Variants in ATAD2 observed in about 807,000 individuals in gnomAD.
The protein encoded by ATAD2 is ATPase family AAA domain-containing protein 2.
Under a neutral mutation model 168.9 loss-of-function variants are expected in ATAD2, and 62 were observed. The observed-to-expected ratio is 0.37, with a 90% CI of 0.30 to 0.45. The LOEUF is 0.45. Among genes scored for constraint, ATAD2 ranks in the 20% least tolerant of loss-of-function variants. ATAD2 has a pLI of 1.00. For missense variants in ATAD2, 1,419 were observed against 1,667.8 expected (o/e 0.85, Z 2.60); for synonymous variants, 613 against 571.6 (o/e 1.07, Z -1.03).
chr8:123,352,952 G>A (rs757469089), intron 13 of ATAD2, among the ~76,000 whole-genome samples: 7 of 152,078 alleles, frequency 4.6e-5, no homozygotes, highest in Non-Finnish European at 1.0e-4. Flanking sequence ...GTGTGTGCCT[G>A]TAGTTCTGAG....
At position 123,402,243 on chromosome 8, in the gene ATAD2, G is replaced by A. The variant is rs769433909; in HGVS notation, c.-2281-1068C>T. The A allele has an allele frequency of 3.4e-6, 2 of 590,134 alleles. No homozygotes were observed. The highest frequency in any genetic ancestry group is 3.1e-6 in the Non-Finnish European group (1 of 326,554). 36.6% of individuals were successfully genotyped at this position (590,134 alleles called of 1,614,324 possible). On this transcript the variant is annotated intron_variant, in intron 1 of 28. Coordinates refer to the ATAD2 transcript ENST00000521903. The surrounding 1 kb of genome is among the most constrained non-coding windows in gnomAD (Gnocchi z 4.8). ...GCTCCTTTCCAGGGAGAGAGGAGGC[G>A]AAGTTGTGAGGGGTCTGTGACCCCT...
chr8:123,321,593 C>T (rs1827469741), intron 27 of ATAD2, among the ~76,000 whole-genome samples: 2 of 151,776 alleles, frequency 1.3e-5, no homozygotes, highest in African/African-American at 2.4e-5. Flanking sequence ...TAAGTAATAT[C>T]TTTTTTTAAA....
Position 123,349,156 on chromosome 8 carries a change from G to C in ATAD2, c.1806+129C>G. ...AGAATAAAAATTTGTCCCCATTTGA[G>C]TTGTTTACTATCATTTGACAAGACC... is the stretch of plus-strand genomic sequence containing the variant. On this transcript the variant is annotated intron_variant, in intron 14 of 27. Coordinates refer to ENST00000287394, the MANE Select transcript of ATAD2 (RefSeq NM_014109.4). 4 of 878,496 alleles carry C rather than the reference G, an allele frequency of 4.6e-6. No individual in the cohort carries two copies. The South Asian group carries it at 8.5e-5, about 19-fold the overall frequency. 54.4% of individuals were successfully genotyped at this position (878,496 alleles called of 1,614,324 possible).
chr8:123,358,176 T>C (rs75760104), intron 11 of ATAD2, among the ~76,000 whole-genome samples: 3,544 of 152,264 alleles, frequency 0.023, 145 homozygotes, highest in African/African-American at 0.082. Flanking sequence ...TTATTTAATA[T>C]TAATAACTTT....
At chr8:123,321,987 C>CTTTTTTTTTTTTTTTTTTTTTT (rs869048943) in intron 27 of ATAD2, among the ~76,000 whole-genome samples, 5 of 136,484 alleles carry the variant, frequency 3.7e-5, no homozygotes, top group African/African-American at 1.4e-4. Context: ...GTACATAAGT[C>CTTTTTTTTTTTTTTTTTTTTTT]TTTTTTTTTT....
intron 2 of ATAD2, among the ~76,000 whole-genome samples, chr8:123,377,290 TAAA>T (rs1463514099): frequency 6.6e-6 from 1 of 151,592 alleles, no homozygotes; most frequent in African/African-American, 2.4e-5. Context: ...AAAGAATTAA[TAAA>T]AAGGATAGAA....
intron 13 of ATAD2, among the ~76,000 whole-genome samples, chr8:123,350,762 T>C (rs1190577147): frequency 6.6e-6 from 1 of 151,872 alleles, no homozygotes; most frequent in Non-Finnish European, 1.5e-5. Context: ...TCTCGCTCTG[T>C]CTCCCAGGCT....
intron 12 of ATAD2, among the ~76,000 whole-genome samples, chr8:123,356,898 G>GAA (rs1452908058): frequency 6.6e-6 from 1 of 151,942 alleles, no homozygotes; most frequent in Non-Finnish European, 1.5e-5. Context: ...TTTTCAACCA[G>GAA]AAGTATTCAA....
intron 2 of ATAD2, 90 bp from the exon 3 acceptor site, chr8:123,372,776 G>A: frequency 1.9e-6 from 2 of 1,051,760 alleles, no homozygotes; most frequent in Non-Finnish European, 2.7e-6. Flanking sequence ...TCGTCCAACA[G>A]GAGTGCAGTG....
intron 8 of ATAD2, among the ~76,000 whole-genome samples, chr8:123,364,262 A>G (rs968899859): frequency 2.0e-5 from 3 of 152,162 alleles, no homozygotes; most frequent in African/African-American, 7.2e-5. Context: ...AAAGGCCGCT[A>G]ATAACTAGTA....
At position 123,347,346 on chromosome 8, in the gene ATAD2, C is replaced by T. The variant is rs1828282512; in HGVS notation, c.1958G>A (p.Arg653Gln). 1.9e-6 allele frequency: 3 copies of T among 1,613,726 alleles called. No individual in the cohort carries two copies. Among genetic ancestry groups the T allele is most frequent in the Non-Finnish European group, 2.5e-6 (3 of 1,179,998 alleles). ...CAEAALCALR[R>Q]RYPQIYTTSE... The stretch of plus-strand genomic sequence containing the variant: ...AGTGGTATAGATCTGTGGGTAGCGT[C>T]GTCGTAAAGCACATAAAGCAGCTTC... Residue 653 changes from arginine to glutamine, a missense_variant, in exon 16 of 28, where the codon CGA (arginine) becomes CAA (glutamine). Arg to Gln is a conservative substitution (Grantham distance 43, BLOSUM62 1). Transcript: ENST00000287394.
At chr8:123,388,000 T>C (rs1183805320) in intron 1 of ATAD2, among the ~76,000 whole-genome samples, 2 of 152,216 alleles carry the variant, frequency 1.3e-5, no homozygotes, top group Non-Finnish European at 2.9e-5. Context: ...ATATACATGT[T>C]ATATCACTAT....
intron 18 of ATAD2, among the ~76,000 whole-genome samples, chr8:123,345,721 T>C (rs926612234): frequency 5.3e-5 from 8 of 151,912 alleles, no homozygotes; most frequent in Non-Finnish European, 8.8e-5. Context: ...AAAGTTAATA[T>C]ACAAATACCA....
rs1033957498 is a variant in ATAD2 at position 123,372,695 on chromosome 8, T to A, written c.321-9A>T. 19 of 1,567,878 alleles carry A rather than the reference T, an allele frequency of 1.2e-5. No homozygotes were observed. The South Asian group carries it at 2.2e-4, about 18-fold the overall frequency. On this transcript the variant is annotated splice_polypyrimidine_tract_variant and intron_variant, in intron 2 of 27. Coordinates refer to ENST00000287394, the MANE Select transcript of ATAD2 (RefSeq NM_014109.4). Reference sequence around the variant, plus strand: ...GCTGTCTGGCCAACTGCCTATATTTTAAAAAATTAGATTAATTCAAAATAA... The same window carrying A: ...GCTGTCTGGCCAACTGCCTATATTTAAAAAAATTAGATTAATTCAAAATAA...
At chr8:123,327,644 G>A (rs1827650064) in intron 25 of ATAD2, among the ~76,000 whole-genome samples, 1 of 152,110 alleles carries the variant, frequency 6.6e-6, no homozygotes, top group South Asian at 2.1e-4. Context: ...CAAATCTACT[G>A]TCAAGGGCTC....
At chr8:123,329,775 A>ATTTT (rs370972532) in intron 24 of ATAD2, among the ~76,000 whole-genome samples, 1 of 129,538 alleles carries the variant, frequency 7.7e-6, no homozygotes, top group African/African-American at 3.0e-5. Context: ...AAAAAAAAAA[A>ATTTT]TTTTTCACTT....
At chr8:123,331,651 T>C (rs1008554915) in intron 24 of ATAD2, among the ~76,000 whole-genome samples, 2 of 152,248 alleles carry the variant, frequency 1.3e-5, no homozygotes, top group African/African-American at 4.8e-5. Flanking sequence ...AATTCAACTT[T>C]ATCTTAGAAG....
At chr8:123,357,874 C>T (rs1024020973) in intron 11 of ATAD2, 138 bp from the exon 12 acceptor site, 1 of 791,524 alleles carries the variant, frequency 1.3e-6, no homozygotes, top group African/African-American at 1.8e-5. Context: ...TACAGTTTCG[C>T]ACCACAAAGC....
chr8:123,370,153 C>CAA lies in ATAD2; in HGVS notation c.728-131_728-130dup. On this transcript the variant is annotated intron_variant, in intron 6 of 27. Transcript: ENST00000287394. ...TCTACTCCTAAAAAAAAAAAAACAACAAAAAAAAACCAAACTTATCTACTC... is the reference window on the plus strand; with the variant it reads ...TCTACTCCTAAAAAAAAAAAAACAACAAAAAAAAAAACCAAACTTATCTACTC... 6 of 742,344 alleles carry CAA rather than the reference C, an allele frequency of 8.1e-6. No individual in the cohort carries two copies. In the African/African-American group the frequency reaches 9.2e-5, roughly 11 times the overall value. The allele number at this position is 742,344 out of a possible 1,614,324, so 46.0% of individuals were successfully genotyped here.
Sources: allele counts gnomAD v4.1 joint callset (sites outside exome capture counted in the v4.1 genomes callset), GRCh38; gene constraint gnomAD v4.1.1; non-coding constraint Gnocchi (gnomAD v3.1); transcripts MANE v1.5; gene names NCBI Gene and HGNC (gene_info 2026-07-23, HGNC 2026-07-21).